SCLT1: variants seen among roughly 807,000 people sequenced by gnomAD.
SCLT1 encodes sodium channel and clathrin linker 1, also known as sodium channel-associated protein 1.
Under a neutral mutation model 112.8 loss-of-function variants are expected in SCLT1, and 78 were observed. The observed-to-expected ratio is 0.69, with a 90% CI of 0.58 to 0.83. The LOEUF is 0.83. Among genes scored for constraint, SCLT1 ranks in the 40% least tolerant of loss-of-function variants. The pLI is 0.00. For missense variants in SCLT1, 747 were observed against 770.4 expected, an observed-to-expected ratio of 0.97 and a Z score of 0.36; for synonymous variants, 257 against 254.7, an observed-to-expected ratio of 1.01 and a Z score of -0.09.
At chr4:128,999,027 C>T (rs545170731) in intron 7 of SCLT1, among the ~76,000 whole-genome samples, 1 of 151,980 alleles carries the variant, frequency 6.6e-6, no homozygotes, top group East Asian at 1.9e-4. Context: ...GGTAGATTTC[C>T]AAATGGAATA....
At chr4:129,091,380 T>TA (rs1333931695) in intron 1 of SCLT1, among the ~76,000 whole-genome samples, 2 of 151,982 alleles carry the variant, frequency 1.3e-5, no homozygotes, top group East Asian at 2.0e-4. Flanking sequence ...CACTCATTTT[T>TA]AAAAAAATGT....
chr4:129,011,365 T>C (rs574221082), intron 5 of SCLT1, among the ~76,000 whole-genome samples: 2 of 152,280 alleles, frequency 1.3e-5, no homozygotes, highest in South Asian at 4.1e-4. Context: ...TCAGGGATAT[T>C]GGCCTGAAGT....
intron 5 of SCLT1, among the ~76,000 whole-genome samples, chr4:129,024,105 G>C (rs563438005): frequency 0.018 from 2,688 of 152,280 alleles, 98 homozygotes; most frequent in African/African-American, 0.062. Flanking sequence ...TCCACCTCTG[G>C]GGGCAGGGCA....
At chr4:129,010,564 ATTTG>A (rs1454128209) in intron 5 of SCLT1, among the ~76,000 whole-genome samples, 2 of 151,968 alleles carry the variant, frequency 1.3e-5, no homozygotes, top group Non-Finnish European at 1.5e-5. Flanking sequence ...ACATTTTTTC[ATTTG>A]TTTGTGTAAT....
At chr4:129,089,477 CAGAAA>C (rs1752655787) in intron 1 of SCLT1, among the ~76,000 whole-genome samples, 1 of 152,084 alleles carries the variant, frequency 6.6e-6, no homozygotes, top group Non-Finnish European at 1.5e-5. Context: ...GATCTAGAAC[CAGAAA>C]TACCATTTGA....
intron 10 of SCLT1, among the ~76,000 whole-genome samples, chr4:128,969,290 T>C (rs2126030774): frequency 6.6e-6 from 1 of 152,198 alleles, no homozygotes; most frequent in African/African-American, 2.4e-5. Context: ...TTCCTATTGC[T>C]GGCCGGGCGC....
At chr4:128,904,161 T>C (rs1402578753) in intron 18 of SCLT1, among the ~76,000 whole-genome samples, 2 of 152,174 alleles carry the variant, frequency 1.3e-5, no homozygotes, top group South Asian at 4.1e-4. Context: ...CTCTATAATT[T>C]CTGGCTTATT....
chr4:128,922,796 T>C (rs961635151), intron 18 of SCLT1, among the ~76,000 whole-genome samples: 1 of 152,042 alleles, frequency 6.6e-6, no homozygotes, highest in Non-Finnish European at 1.5e-5. Flanking sequence ...CCTAAAATAA[T>C]AGTTAACAAA....
chr4:128,901,375 C>T (rs953337356), intron 18 of SCLT1, among the ~76,000 whole-genome samples: 3 of 152,120 alleles, frequency 2.0e-5, no homozygotes, highest in African/African-American at 7.2e-5. Context: ...TTTGTAGGGA[C>T]ATGGATGAAG....
intron 2 of SCLT1, among the ~76,000 whole-genome samples, chr4:129,050,857 G>GT (rs1748716233): frequency 2.6e-5 from 4 of 152,106 alleles, no homozygotes; most frequent in Admixed American, 2.6e-4. Context: ...GCTTTTTATG[G>GT]TTTTGGCTTT....
At chr4:128,942,328 A>G (rs150433140) in intron 17 of SCLT1, among the ~76,000 whole-genome samples, 3 of 151,674 alleles carry the variant, frequency 2.0e-5, no homozygotes, top group African/African-American at 4.8e-5. Context: ...TATTCTTACT[A>G]TGAAATTGGA....
At chr4:128,981,401 C>G (rs746072035) in intron 9 of SCLT1, among the ~76,000 whole-genome samples, 48 of 152,190 alleles carry the variant, frequency 3.2e-4, no homozygotes, top group Non-Finnish European at 4.9e-4. Flanking sequence ...GCCATTTAGT[C>G]TGGAGGTCGT....
At chr4:129,068,214 A>ATGTG (rs758980316) in intron 2 of SCLT1, among the ~76,000 whole-genome samples, 7 of 151,358 alleles carry the variant, frequency 4.6e-5, no homozygotes, top group South Asian at 2.1e-4. Context: ...ATATATATGT[A>ATGTG]TGTGTGTGTG....
At chr4:129,014,013 T>C (rs866718516) in intron 5 of SCLT1, among the ~76,000 whole-genome samples, 2 of 152,192 alleles carry the variant, frequency 1.3e-5, no homozygotes, top group African/African-American at 2.4e-5. Flanking sequence ...TCCTTTTCAT[T>C]CTTTTATTTC....
intron 18 of SCLT1, among the ~76,000 whole-genome samples, chr4:128,919,977 A>G (rs1001070763): frequency 1.3e-5 from 2 of 152,166 alleles, no homozygotes; most frequent in Admixed American, 6.5e-5. Context: ...GTAAGAGAAG[A>G]GCTGATACCA....
rs13151322 is a variant in SCLT1, at chr4:128,992,190, G to C, written c.663C>G (p.Ile221Met). ...LKTVTEQSVI[I>M]EQLRKKLRQA... ...ACCTAAGTTTTTTTCGGAGTTGTTC[G>C]ATTATCACACTTTGTTCAGTTACTG... Residue 221 changes from isoleucine to methionine, a missense_variant, in exon 9 of 21, where the codon ATC becomes ATG. Coordinates refer to ENST00000281142, the MANE Select transcript of SCLT1 (RefSeq NM_144643.4). 2.0e-5 allele frequency: 32 copies of C among 1,592,664 alleles called. No homozygotes were observed. The Admixed American group carries it at 5.6e-4, about 28-fold the overall frequency.
intron 9 of SCLT1, among the ~76,000 whole-genome samples, chr4:128,988,880 C>T (rs1012885303): frequency 2.0e-5 from 3 of 151,538 alleles, no homozygotes; most frequent in Admixed American, 2.0e-4. Context: ...TAAAGAGAGT[C>T]AAAAATGTTA....
At chr4:129,078,727 T>C (rs1268479872) in intron 2 of SCLT1, among the ~76,000 whole-genome samples, 2 of 152,166 alleles carry the variant, frequency 1.3e-5, no homozygotes, top group East Asian at 3.9e-4. Context: ...CTATTCCTTT[T>C]TAATACTAAA....
intron 4 of SCLT1, chr4:128,875,254 C>T (rs1444356304): frequency 6.6e-6 from 1 of 152,512 alleles, no homozygotes; most frequent in African/African-American, 2.4e-5. Context: ...TCTGCTTTTG[C>T]TAAATATTTA....
Sources: gnomAD v4.1 joint callset for allele counts (sites outside exome capture counted in the v4.1 genomes callset) on GRCh38, gnomAD v4.1.1 for gene constraint, MANE v1.5 for transcripts, NCBI Gene and HGNC (gene_info 2026-07-23, HGNC 2026-07-21) for gene names.